The following KRT33B variants were observed in gnomAD, a reference collection of about 807,000 sequenced individuals.
KRT33B encodes the protein keratin 33B.
A neutral mutation model predicts 42.7 loss-of-function variants in KRT33B; 37 were observed. The ratio of observed to expected loss-of-function variants is 0.87; its 90% CI spans 0.67 to 1.14. The LOEUF is 1.14. Ranked by LOEUF, KRT33B falls within the 50% of genes most tolerant of loss-of-function variation. The pLI, the probability that KRT33B is intolerant of heterozygous loss-of-function variation, is 0.00. For synonymous variants in KRT33B, 237 were observed against 221.2 expected (o/e 1.07, Z -0.63); for missense variants, 523 against 515.1 (o/e 1.02, Z -0.15).
chr17:41,366,718 AT>A (rs1232033273), intron 2 of KRT33B, 92 bp from the exon 3 acceptor site: 4 of 1,222,790 alleles, frequency 3.3e-6, no homozygotes, highest in Non-Finnish European at 4.5e-6. Context: ...ATTTTATTAT[AT>A]TTTGAAATAT....
chr17:41,363,511 G>A lies in KRT33B; in HGVS notation c.*325C>T. The A allele has an allele frequency of 4.1e-6, 1 of 243,422 alleles. No individual in the cohort carries two copies. Among genetic ancestry groups the A allele is most frequent in the East Asian group, 7.5e-5 (1 of 13,390 alleles). 15.1% of individuals were successfully genotyped at this position (243,422 alleles called of 1,614,324 possible). A position where few individuals can be genotyped will look rare whatever the true frequency, so the allele number is the denominator to read the frequency against. ...GAGAATCATGTCTGCTTTGCAAGAG[G>A]AAAGTTTATTAGGCGATTTGGGGAA... On this transcript the variant is annotated 3_prime_UTR_variant, in exon 7 of 7. Coordinates refer to ENST00000251646, the MANE Select transcript of KRT33B (RefSeq NM_002279.5).
At chr17:41,367,494 A>G (rs946477854) in intron 2 of KRT33B, among the ~76,000 whole-genome samples, 3 of 151,296 alleles carry the variant, frequency 2.0e-5, no homozygotes, top group African/African-American at 7.4e-5. Context: ...ACTTGAGGTC[A>G]GGAGTTCAAG....
intron 1 of KRT33B, among the ~76,000 whole-genome samples, chr17:41,368,355 A>C (rs939441520): frequency 6.6e-6 from 1 of 151,218 alleles, no homozygotes; most frequent in Non-Finnish European, 1.5e-5. Context: ...TATCCAACAC[A>C]TTCCACCTGC....
chr17:41,365,016 C>A lies in KRT33B; in HGVS notation c.877-17G>T, dbSNP rs201958291. On this transcript the variant is annotated splice_polypyrimidine_tract_variant and intron_variant, in intron 5 of 6. Coordinates refer to ENST00000251646, the MANE Select transcript of KRT33B (RefSeq NM_002279.5). The stretch of plus-strand genomic sequence containing the variant: ...AGAGTATCGCTGTGGTGGGAAAGAT[C>A]AGGAATGTCAGAGAGCTGCTCCTTA... 2 of 1,613,062 alleles carry A rather than the reference C, an allele frequency of 1.2e-6. No individual in the cohort carries two copies. Among genetic ancestry groups the A allele is most frequent in the East Asian group, 4.5e-5 (2 of 44,874 alleles).
In KRT33B at chr17:41,364,890, C is replaced by A. The variant is rs34771886; in HGVS notation, c.986G>T (p.Arg329Leu). 2.5e-6 allele frequency: 4 copies of A among 1,613,190 alleles called. No individual in the cohort carries two copies. Among genetic ancestry groups the A allele is most frequent in the African/African-American group, 1.4e-5 (1 of 74,062 alleles). The change falls in exon 6 of 7, where the codon CGC (arginine) becomes CTC (leucine). Residue 329 changes from arginine to leucine, a missense_variant. Physicochemically the swap from Arg to Leu is moderately radical, Grantham distance 102. Coordinates refer to ENST00000251646, the MANE Select transcript of KRT33B (RefSeq NM_002279.5). ...TNVESQLAEIRSDLERQNQEY... is the reference protein window; with the variant it reads ...TNVESQLAEILSDLERQNQEY... ...CTGGTTCTGCCGCTCCAGGTCACTG[C>A]GGATCTCCGCCAGCTGGGACTCCAC... is the stretch of plus-strand genomic sequence containing the variant.
At chr17:41,366,167 C>G (rs904567789) in intron 3 of KRT33B, among the ~76,000 whole-genome samples, 2 of 151,148 alleles carry the variant, frequency 1.3e-5, no homozygotes, top group Admixed American at 6.6e-5. Context: ...GGTCATTAAC[C>G]TACCTGGCAC....
In KRT33B at chr17:41,369,733, G is replaced by A; in HGVS notation, c.18C>T (p.Cys6=). The A allele has an allele frequency of 6.2e-7, 1 of 1,613,714 alleles. No homozygotes were observed. Among genetic ancestry groups the A allele is most frequent in the Non-Finnish European group, 8.5e-7 (1 of 1,179,740 alleles). The change falls in exon 1 of 7, where the codon TGC becomes TGT. Residue 6 remains cysteine, a synonymous_variant. Coordinates refer to ENST00000251646, the MANE Select transcript of KRT33B (RefSeq NM_002279.5). The stretch of plus-strand genomic sequence containing the variant: ...TGGTGCGGCAGCTCAGGCTGGGCAG[G>A]CAGAAGTTGTAGGGCATGGTGCAGG... MPYNF[C]LPSLSCRTSC...
At position 41,364,859 on chromosome 17, in the gene KRT33B, A is replaced by G. The variant is rs745690654; in HGVS notation, c.1017T>C (p.Tyr339=). ...RSDLERQNQE[Y]QVLLDVRARL... is the part of the protein sequence containing the mutation. ...GCGCCCGCACGTCCAGCAGCACCTGATACTCCTGGTTCTGCCGCTCCAGGT... is the reference window on the plus strand; with the variant it reads ...GCGCCCGCACGTCCAGCAGCACCTGGTACTCCTGGTTCTGCCGCTCCAGGT... The change falls in exon 6 of 7, where the codon TAT becomes TAC. Residue 339 remains tyrosine (Y), a synonymous_variant. Transcript: ENST00000251646. 1.2e-5 allele frequency: 19 copies of G among 1,612,980 alleles called. No homozygotes were observed. The highest frequency in any genetic ancestry group is 6.6e-5 in the South Asian group (6 of 91,086).
chr17:41,367,951 G>T lies in KRT33B; in HGVS notation c.388C>A (p.Gln130Lys). 1 of 1,612,984 alleles carries T rather than the reference G, an allele frequency of 6.2e-7. No individual in the cohort carries two copies. Among genetic ancestry groups the T allele is most frequent in the Non-Finnish European group, 8.5e-7 (1 of 1,180,000 alleles). Residue 130 changes from glutamine to lysine, a missense_variant, in exon 2 of 7, where the codon CAG (glutamine) becomes AAG (lysine). By Grantham distance (53) the Gln-to-Lys change is moderately conservative. Transcript: ENST00000251646. Reference sequence around the variant, plus strand: ...GCAGCCAGCTTGGCATTGTCGATCTGCACCACCAGCCTGGCATTCTCAGAC... The same window carrying T: ...GCAGCCAGCTTGGCATTGTCGATCTTCACCACCAGCCTGGCATTCTCAGAC... ...SKSENARLVVQIDNAKLAADD... is the reference protein window; with the variant it reads ...SKSENARLVVKIDNAKLAADD...
rs377764570 is a variant in KRT33B at position 41,365,034 on chromosome 17, G to C, written c.877-35C>G. ...GAAAGATCAGGAATGTCAGAGAGCTGCTCCTTATAGGGTTCCTCCATGGGG... is the reference window on the plus strand; with the variant it reads ...GAAAGATCAGGAATGTCAGAGAGCTCCTCCTTATAGGGTTCCTCCATGGGG... On this transcript the variant is annotated intron_variant, in intron 5 of 6. Transcript: ENST00000251646. The C allele has an allele frequency of 2.7e-4, 429 of 1,612,606 alleles. 1 individual carries two copies. Among genetic ancestry groups the C allele is most frequent in the Middle Eastern group, 1.7e-4 (1 of 6,058 alleles).
intron 1 of KRT33B, 83 bp from the exon 2 acceptor site, chr17:41,368,073 C>T (rs2017724055): frequency 7.6e-7 from 1 of 1,310,276 alleles, no homozygotes; most frequent in South Asian, 1.2e-5. Context: ...CTTTCAGCCA[C>T]ATTCCTCCCA....
intron 5 of KRT33B, 29 bp downstream of exon 5, chr17:41,365,146 G>A (rs1040011424): frequency 2.5e-6 from 4 of 1,609,956 alleles, no homozygotes; most frequent in African/African-American, 2.7e-5. Flanking sequence ...AGTTCCCATC[G>A]CTCACCAGCA....
intron 3 of KRT33B, 89 bp downstream of exon 3, chr17:41,366,381 G>T (rs1301285855): frequency 1.3e-6 from 2 of 1,487,338 alleles, no homozygotes; most frequent in African/African-American, 2.9e-5. Flanking sequence ...GTTAGGCCTA[G>T]GGTGCTTAGC....
chr17:41,364,849 G>A lies in KRT33B; in HGVS notation c.1027C>T (p.Leu343=). The change falls in exon 6 of 7, where the codon CTG becomes TTG. Residue 343 remains leucine, a synonymous_variant. Transcript: ENST00000251646. ...ERQNQEYQVL[L]DVRARLECEI... ...CACTCCAGCCGCGCCCGCACGTCCA[G>A]CAGCACCTGATACTCCTGGTTCTGC... 1.2e-6 allele frequency: 2 copies of A among 1,613,184 alleles called. No individual in the cohort carries two copies. The highest frequency in any genetic ancestry group is 1.7e-6 in the Non-Finnish European group (2 of 1,180,026).
At chr17:41,366,141 A>G (rs894412381) in intron 3 of KRT33B, among the ~76,000 whole-genome samples, 1 of 151,160 alleles carries the variant, frequency 6.6e-6, no homozygotes, top group Non-Finnish European at 1.5e-5. Context: ...AATGTTTTCT[A>G]TCTCCTTCCA....
At chr17:41,369,127 C>CA (rs1165120826) in intron 1 of KRT33B, among the ~76,000 whole-genome samples, 1 of 151,234 alleles carries the variant, frequency 6.6e-6, no homozygotes, top group Non-Finnish European at 1.5e-5. Flanking sequence ...ATAATCAAAC[C>CA]AAAAAATCAG....
In KRT33B at chr17:41,365,244, C is replaced by A. The variant is rs1165470787; in HGVS notation, c.807G>T (p.Gln269His). The A allele has an allele frequency of 6.2e-7, 1 of 1,611,820 alleles. No individual in the cohort carries two copies. Among genetic ancestry groups the A allele is most frequent in the South Asian group, 1.1e-5 (1 of 91,036 alleles). ...VSSSEQLQSY[Q>H]AEIIELRRTV... Reference sequence around the variant, plus strand: ...TGCGTCTCAGCTCGATGATCTCCGCCTGGTAGGACTGCAGCTGCTCCGAGC... The same window carrying A: ...TGCGTCTCAGCTCGATGATCTCCGCATGGTAGGACTGCAGCTGCTCCGAGC... The change falls in exon 5 of 7, where the codon CAG (glutamine) becomes CAT (histidine). Residue 269 changes from glutamine to histidine, a missense_variant. Physicochemically the swap from Gln to His is conservative, Grantham distance 24 (BLOSUM62 0). Coordinates refer to ENST00000251646, the MANE Select transcript of KRT33B (RefSeq NM_002279.5).
chr17:41,366,947 C>T (rs1327866610), intron 2 of KRT33B, among the ~76,000 whole-genome samples: 1 of 151,310 alleles, frequency 6.6e-6, no homozygotes, highest in East Asian at 1.9e-4. Context: ...CATAAGCCTG[C>T]TCCAGGTTGT....
intron 2 of KRT33B, 63 bp downstream of exon 2, chr17:41,367,839 AGGGAGC>A: frequency 7.4e-7 from 1 of 1,354,940 alleles, no homozygotes; most frequent in South Asian, 1.2e-5. Context: ...ATTCCAGGAT[AGGGAGC>A]TCATCACTTT....
Sources: allele counts gnomAD v4.1 joint callset (sites outside exome capture counted in the v4.1 genomes callset), GRCh38; gene constraint gnomAD v4.1.1; transcripts MANE v1.5; gene names NCBI Gene and HGNC (gene_info 2026-07-23, HGNC 2026-07-21).